Variants in EXPH5 observed in about 807,000 individuals in gnomAD.
EXPH5 encodes exophilin-5.
Under a neutral mutation model 41.1 loss-of-function variants are expected in EXPH5, and 42 were observed. That is an observed-to-expected ratio of 1.02 (90% CI 0.80 to 1.32). EXPH5 has a LOEUF of 1.32. EXPH5 is among the 40% of genes most tolerant of loss of function. The pLI, the probability that EXPH5 is intolerant of heterozygous loss-of-function variation, is 0.00. For missense variants in EXPH5, 2,298 were observed against 2,314.5 expected, an observed-to-expected ratio of 0.99 and a Z score of 0.15; for synonymous variants, 798 against 833.5, an observed-to-expected ratio of 0.96 and a Z score of 0.73.
chr11:108,601,090 A>C, the EXPH5 span, among the ~76,000 whole-genome samples: 2 of 152,206 alleles, frequency 1.3e-5, no homozygotes, highest in African/African-American at 4.8e-5. Flanking sequence ...TTTGTCATAT[A>C]TGCTTGTGGT....
At position 108,513,439 on chromosome 11, in the gene EXPH5, G is replaced by A; in HGVS notation, c.2068C>T (p.Pro690Ser). 1 of 1,613,334 alleles carries A rather than the reference G, an allele frequency of 6.2e-7. No homozygotes were observed. The highest frequency in any genetic ancestry group is 8.5e-7 in the Non-Finnish European group (1 of 1,179,702). ...VDSLPLAKSQ[P>S]NILVTEVNNE... ...TTTACTTCTGTGACCAAGATATTGG[G>A]CTGGCTTTTGGCAAGAGGCAGAGAG... is the stretch of plus-strand genomic sequence containing the variant. The change falls in exon 6 of 6, where the codon CCC becomes TCC. Residue 690 changes from proline to serine, a missense_variant. By Grantham distance (74) the Pro-to-Ser change is moderately conservative (BLOSUM62 -1). Transcript: ENST00000265843.
intron 1 of EXPH5, among the ~76,000 whole-genome samples, chr11:108,548,135 A>C (rs2093947193): frequency 6.8e-6 from 1 of 147,590 alleles, no homozygotes; most frequent in African/African-American, 2.5e-5. Context: ...AAAAAAAAAA[A>C]ATCAGTGTCT....
chr11:108,514,693 A>G lies in EXPH5; in HGVS notation c.814T>C (p.Tyr272His). The change falls in exon 6 of 6, where the codon TAT becomes CAT. Residue 272 changes from tyrosine (Y) to histidine (H), a missense_variant. Coordinates refer to ENST00000265843, the MANE Select transcript of EXPH5 (RefSeq NM_015065.3). The stretch of plus-strand genomic sequence containing the variant: ...GGAGTTCCTGGTCTTAGGATGTCAT[A>G]GATAGACATATTGGAAGTTTCATTA... ...HYNETSNMSI[Y>H]DILRPGTPRE... 6.2e-7 allele frequency: 1 copy of G among 1,605,286 alleles called. No homozygotes were observed. Among genetic ancestry groups the G allele is most frequent in the South Asian group, 1.1e-5 (1 of 88,798 alleles).
At chr11:108,556,153 G>A (rs893204182) in intron 1 of EXPH5, among the ~76,000 whole-genome samples, 7 of 152,216 alleles carry the variant, frequency 4.6e-5, no homozygotes, top group Non-Finnish European at 1.0e-4. Flanking sequence ...CAATAAAGCA[G>A]CATAATACAA....
In EXPH5 at chr11:108,506,114, T is replaced by A. The variant is rs868697194; in HGVS notation, c.*3423A>T. 4 of 152,212 alleles carry A rather than the reference T, an allele frequency of 2.6e-5. No individual in the cohort carries two copies. The highest frequency in any genetic ancestry group is 7.2e-5 in the African/African-American group (3 of 41,452). The allele number at this position is 152,212 out of a possible 1,614,324, so 9.4% of individuals were successfully genotyped here. ...GTATTTATTACGATTGATTCCCCTA[T>A]GATTTACTCCATTTACATGAATGTT... On this transcript the variant is annotated 3_prime_UTR_variant, in exon 6 of 6. Transcript: ENST00000265843.
At chr11:108,519,726 C>T (rs1389194256) in intron 4 of EXPH5, among the ~76,000 whole-genome samples, 2 of 148,776 alleles carry the variant, frequency 1.3e-5, no homozygotes, top group Non-Finnish European at 3.0e-5. Flanking sequence ...CCAGCCTGGG[C>T]GACAGAGTGA....
chr11:108,570,341 G>A (rs1050141349), intron 1 of EXPH5, among the ~76,000 whole-genome samples: 8 of 152,036 alleles, frequency 5.3e-5, no homozygotes, highest in African/African-American at 1.7e-4. Flanking sequence ...TGCAACCTCC[G>A]CCTCCTGGGT....
At chr11:108,595,448 C>T (rs1031422728), upstream of EXPH5, among the ~76,000 whole-genome samples, 6 of 152,146 alleles carry the variant, frequency 3.9e-5, no homozygotes, top group Non-Finnish European at 8.8e-5. Context: ...GCAAGGGGAT[C>T]AGCGTGCTGA....
intron 2 of EXPH5, 41 bp from the exon 3 acceptor site, chr11:108,539,227 C>A: frequency 1.5e-6 from 2 of 1,374,188 alleles, no homozygotes; most frequent in Non-Finnish European, 2.0e-6. Context: ...CAATTACTTC[C>A]AAGTAAATAT....
chr11:108,525,276 C>A (rs2093790972), intron 4 of EXPH5, among the ~76,000 whole-genome samples: 1 of 152,180 alleles, frequency 6.6e-6, no homozygotes. Context: ...CCTGAGGAGC[C>A]CACACCAATC....
At chr11:108,601,133 T>C in the EXPH5 span, among the ~76,000 whole-genome samples, 302 of 152,324 alleles carry the variant, frequency 2.0e-3, 1 homozygote, top group African/African-American at 6.8e-3. Context: ...GAGTACTAAT[T>C]GAGCAGAAAA....
intron 1 of EXPH5, among the ~76,000 whole-genome samples, chr11:108,576,642 T>A (rs1356351167): frequency 6.6e-6 from 1 of 152,224 alleles, no homozygotes; most frequent in Non-Finnish European, 1.5e-5. Flanking sequence ...ATGGGATACA[T>A]GTGATATTTA....
chr11:108,574,996 A>G (rs897001112), intron 1 of EXPH5, among the ~76,000 whole-genome samples: 4 of 152,176 alleles, frequency 2.6e-5, no homozygotes, highest in African/African-American at 9.7e-5. Flanking sequence ...ATGTATTCTT[A>G]TGTCAGAAAA....
In EXPH5 at chr11:108,533,323, C is replaced by G. The variant is rs1198082766; in HGVS notation, c.444-5139G>C. On this transcript the variant is annotated intron_variant, in intron 3 of 5. Transcript: ENST00000265843. The stretch of plus-strand genomic sequence containing the variant: ...GGTTCGAGTGATTCTCCTGCCTCAG[C>G]CTCCCAAGTATCAGGGATTACAGGC... Among the ~76,000 whole-genome samples, 3 of 152,184 alleles carry G rather than the reference C, an allele frequency of 2.0e-5. No individual in the cohort carries two copies. In the East Asian group the frequency reaches 5.8e-4, roughly 30 times the overall value.
intron 4 of EXPH5, among the ~76,000 whole-genome samples, chr11:108,526,464 C>T (rs1591690550): frequency 6.6e-6 from 1 of 152,300 alleles, no homozygotes; most frequent in East Asian, 1.9e-4. Flanking sequence ...TTTTACATTC[C>T]TTTTCTGCCT....
chr11:108,522,659 C>G (rs921156627), intron 4 of EXPH5, among the ~76,000 whole-genome samples: 5 of 152,026 alleles, frequency 3.3e-5, no homozygotes, highest in African/African-American at 9.7e-5. Context: ...CTGGGAAGCA[C>G]CTGAAGTTTC....
Position 108,510,557 on chromosome 11 carries a change from A to C in EXPH5, c.4950T>G (p.Ser1650=). The C allele has an allele frequency of 6.2e-7, 1 of 1,614,146 alleles. No homozygotes were observed. The highest frequency in any genetic ancestry group is 8.5e-7 in the Non-Finnish European group (1 of 1,180,026). Residue 1650 remains serine (S), a synonymous_variant, in exon 6 of 6, where the codon TCT becomes TCG. Coordinates refer to ENST00000265843, the MANE Select transcript of EXPH5 (RefSeq NM_015065.3). ...ACCTGCTTTCGCCAATGGACTCTGC[A>C]GATTTTGGAGTAGGCTCAGGGAACA... ...NPLFPEPTPK[S]AESIGESRLS...
chr11:108,607,265 C>A, the EXPH5 span, among the ~76,000 whole-genome samples: 7 of 152,140 alleles, frequency 4.6e-5, no homozygotes, highest in African/African-American at 1.7e-4. Context: ...ACAATATTAA[C>A]ATCAAGAATA....
intron 3 of EXPH5, among the ~76,000 whole-genome samples, chr11:108,529,223 A>G (rs1417240221): frequency 6.6e-6 from 1 of 152,206 alleles, no homozygotes; most frequent in South Asian, 2.1e-4. Context: ...CTTACTAGGA[A>G]ACCATTTTGG....
Sources: gnomAD v4.1 joint callset for allele counts (sites outside exome capture counted in the v4.1 genomes callset) on GRCh38, gnomAD v4.1.1 for gene constraint, MANE v1.5 for transcripts, NCBI Gene and HGNC (gene_info 2026-07-23, HGNC 2026-07-21) for gene names.